ITPK1: variants seen among roughly 807,000 people sequenced by gnomAD.
ITPK1 encodes inositol-tetrakisphosphate 1-kinase, also known as inositol 1,3,4-trisphosphate 5/6-kinase.
In ITPK1, 21 loss-of-function variants were observed where a neutral mutation model predicts 45.3. The observed-to-expected ratio is 0.46, with a 90% CI of 0.33 to 0.67. ITPK1 has a LOEUF of 0.67. Ranked by LOEUF, ITPK1 falls within the 30% of genes least tolerant of loss-of-function variation. The pLI is 0.02. For synonymous variants in ITPK1, 258 were observed against 253.6 expected, an observed-to-expected ratio of 1.02 and a Z score of -0.16; for missense variants, 474 against 573.5, an observed-to-expected ratio of 0.83 and a Z score of 1.77.
chr14:93,081,084 C>A (rs1220867177), intron 2 of ITPK1, among the ~76,000 whole-genome samples: 1 of 151,484 alleles, frequency 6.6e-6, no homozygotes, highest in African/African-American at 2.4e-5. Flanking sequence ...AATCCCAGCA[C>A]TTTGGGAGGC....
chr14:92,946,990 G>A (rs910843313), intron 9 of ITPK1, among the ~76,000 whole-genome samples: 6 of 152,324 alleles, frequency 3.9e-5, no homozygotes, highest in Admixed American at 1.3e-4. Flanking sequence ...GAAGGAGAGC[G>A]GCCCCAGGGA....
At chr14:93,097,687 A>G (rs555516093) in intron 2 of ITPK1, among the ~76,000 whole-genome samples, 14 of 152,372 alleles carry the variant, frequency 9.2e-5, no homozygotes, top group African/African-American at 3.1e-4. Flanking sequence ...AAGATGCCCA[A>G]TGCAGCTGTA....
intron 8 of ITPK1, among the ~76,000 whole-genome samples, chr14:92,952,536 A>T (rs1265608436): frequency 2.0e-5 from 3 of 152,202 alleles, no homozygotes; most frequent in African/African-American, 7.2e-5. Context: ...TTAGCGACTT[A>T]GGGAAAAAAA....
rs186127464 is a variant in ITPK1 at position 92,940,865 on chromosome 14, G to A, written c.*696C>T. 6.6e-4 allele frequency: 850 copies of A among 1,288,662 alleles called. 47 individuals are homozygous for A. The Admixed American group carries it at 0.019, about 29-fold the overall frequency. The allele number at this position is 1,288,662 out of a possible 1,614,324, so 79.8% of individuals were successfully genotyped here. A position where few individuals can be genotyped will look rare whatever the true frequency, so the allele number is the denominator to read the frequency against. ...AGTGCTGGCTTAGGGGAAGGAGACCGCTGTGCAGGGCTAAATGGGACGTGT... is the reference window on the plus strand; with the variant it reads ...AGTGCTGGCTTAGGGGAAGGAGACCACTGTGCAGGGCTAAATGGGACGTGT... On this transcript the variant is annotated 3_prime_UTR_variant, in exon 11 of 11. Coordinates refer to ENST00000267615, the MANE Select transcript of ITPK1 (RefSeq NM_014216.6).
At chr14:93,115,547 C>T (rs1346435723) in intron 1 of ITPK1, among the ~76,000 whole-genome samples, 7 of 149,962 alleles carry the variant, frequency 4.7e-5, no homozygotes, top group Non-Finnish European at 7.4e-5. Flanking sequence ...GGAGGGGAAG[C>T]CGGGCCTCCG....
intron 8 of ITPK1, among the ~76,000 whole-genome samples, chr14:92,954,667 C>T (rs1482906765): frequency 6.6e-6 from 1 of 152,152 alleles, no homozygotes; most frequent in Non-Finnish European, 1.5e-5. Flanking sequence ...AAGATTAGCC[C>T]CCAAACATCC....
At chr14:92,944,113 G>A (rs1887567033) in intron 10 of ITPK1, among the ~76,000 whole-genome samples, 1 of 152,184 alleles carries the variant, frequency 6.6e-6, no homozygotes, top group Non-Finnish European at 1.5e-5. Context: ...GCTTGCAGCT[G>A]TTGCGGTTAT....
intron 3 of ITPK1, among the ~76,000 whole-genome samples, chr14:93,074,653 G>A (rs1021390312): frequency 2.0e-5 from 3 of 152,194 alleles, no homozygotes; most frequent in Non-Finnish European, 4.4e-5. Flanking sequence ...GCAACCCGGG[G>A]CCTTCCTGAG....
chr14:93,111,011 T>TC (rs1555377395), intron 2 of ITPK1, among the ~76,000 whole-genome samples: 1 of 143,150 alleles, frequency 7.0e-6, no homozygotes, highest in Non-Finnish European at 1.5e-5. Context: ...TCCTCATCCC[T>TC]CATCCCTCAT....
chr14:92,955,775 AC>A (rs552775015), intron 8 of ITPK1, among the ~76,000 whole-genome samples: 4 of 152,256 alleles, frequency 2.6e-5, no homozygotes, highest in Admixed American at 2.6e-4. Flanking sequence ...CACTCAAGGA[AC>A]CCCCATCCCT....
intron 5 of ITPK1, among the ~76,000 whole-genome samples, chr14:92,971,610 A>G (rs1254628537): frequency 1.8e-4 from 28 of 152,232 alleles, no homozygotes; most frequent in Non-Finnish European, 1.0e-4. Context: ...AGGGGCACCC[A>G]GCACTGATGC....
At chr14:93,003,967 T>C (rs4905031) in intron 4 of ITPK1, among the ~76,000 whole-genome samples, 34,437 of 152,238 alleles carry the variant, frequency 0.23, 4,776 homozygotes, top group Admixed American at 0.34. Context: ...CCTTTCTGCC[T>C]CTTAAGTTCT....
chr14:93,016,567 T>A lies in ITPK1; in HGVS notation c.246+109A>T. On this transcript the variant is annotated intron_variant, in intron 4 of 10. Coordinates refer to ENST00000267615, the MANE Select transcript of ITPK1 (RefSeq NM_014216.6). This position sits in a 1 kb window ranked among gnomAD's most constrained non-coding sequence, Gnocchi z 5.0. ...CAGTGGCAGAGCCATTTCTCCAGAC[T>A]ATACCTCCAGAGAGCTGCTACCGCC... 7.9e-7 allele frequency: 1 copy of A among 1,270,442 alleles called. No homozygotes were observed. Among genetic ancestry groups the A allele is most frequent in the South Asian group, 1.3e-5 (1 of 74,992 alleles). 78.7% of individuals were successfully genotyped at this position (1,270,442 alleles called of 1,614,324 possible). A position where few individuals can be genotyped will look rare whatever the true frequency, so the allele number is the denominator to read the frequency against.
At chr14:92,973,635 C>T (rs751654293) in intron 5 of ITPK1, among the ~76,000 whole-genome samples, 8 of 152,218 alleles carry the variant, frequency 5.3e-5, no homozygotes, top group Admixed American at 5.2e-4. Context: ...AACCAAGTTC[C>T]AGCCTGACAG....
rs546970488 is a variant in ITPK1, at chr14:93,104,316, T to A, written c.95+10753A>T. Among the ~76,000 whole-genome samples, 13 of 152,080 alleles carry A rather than the reference T, an allele frequency of 8.5e-5. 1 individual carries two copies. In the South Asian group the frequency reaches 2.5e-3, roughly 29 times the overall value. ...GCCTGGCCAACATGGTGAAACCCCA[T>A]CTTCTCCACTAAAAATACAAAAATT... On this transcript the variant is annotated intron_variant, in intron 2 of 10. Coordinates refer to ENST00000267615, the MANE Select transcript of ITPK1 (RefSeq NM_014216.6).
At chr14:92,975,095 T>C (rs1378575661) in intron 5 of ITPK1, among the ~76,000 whole-genome samples, 1 of 152,228 alleles carries the variant, frequency 6.6e-6, no homozygotes, top group Admixed American at 6.5e-5. Context: ...GTGTGACCTG[T>C]AAAGCCCAGC....
intron 3 of ITPK1, among the ~76,000 whole-genome samples, chr14:93,019,842 C>A (rs1455730314): frequency 6.6e-6 from 1 of 152,172 alleles, no homozygotes; most frequent in Non-Finnish European, 1.5e-5. Flanking sequence ...AGAGGCAGGT[C>A]TCCCAGATGC....
chr14:93,103,115 AAAGAAAG>A (rs1206659393), intron 2 of ITPK1, among the ~76,000 whole-genome samples: 3 of 145,958 alleles, frequency 2.1e-5, no homozygotes, highest in Non-Finnish European at 3.0e-5. Context: ...AAAAAAAAAA[AAAGAAAG>A]AAAGAAAGAA....
rs1235392751 is a variant in ITPK1, at chr14:92,989,698, C to A, written c.364+4182G>T. ...CCTCCCTCCCTCCCCGAGGCCTGCA[C>A]CAGGGAATGCTTAATTTCTAGGAAG... On this transcript the variant is annotated intron_variant, in intron 5 of 10. Coordinates refer to ENST00000267615, the MANE Select transcript of ITPK1 (RefSeq NM_014216.6). 2.6e-5 allele frequency among the ~76,000 whole-genome samples: 4 copies of A among 152,168 alleles called. No homozygotes were observed. In the East Asian group the frequency reaches 5.8e-4, roughly 22 times the overall value.
Sources: gnomAD v4.1 joint callset for allele counts (sites outside exome capture counted in the v4.1 genomes callset) on GRCh38, gnomAD v4.1.1 for gene constraint, Gnocchi (gnomAD v3.1) non-coding constraint, MANE v1.5 for transcripts, NCBI Gene and HGNC (gene_info 2026-07-23, HGNC 2026-07-21) for gene names.